The following MAGI1 variants were observed in gnomAD, a reference collection of about 807,000 sequenced individuals.
MAGI1 encodes the protein membrane associated guanylate kinase, WW and PDZ domain containing 1.
A neutral mutation model predicts 139.9 loss-of-function variants in MAGI1; 58 were observed. The ratio of observed to expected loss-of-function variants is 0.41; its 90% confidence interval spans 0.34 to 0.52. MAGI1 has a LOEUF of 0.52. MAGI1 is among the 20% of genes least tolerant of loss of function. The pLI is 0.12. For missense variants in MAGI1, 1,874 were observed against 1,901.6 expected (o/e 0.99, Z 0.27); for synonymous variants, 812 against 737.9 (o/e 1.10, Z -1.63).
chr3:65,564,053 G>A (rs532744045), intron 2 of MAGI1, among the ~76,000 whole-genome samples: 1 of 152,080 alleles, frequency 6.6e-6, no homozygotes, highest in African/African-American at 2.4e-5. Context: ...TAGGGAACAA[G>A]ATGCATATCT....
chr3:65,928,733 T>G (rs760019541), intron 1 of MAGI1, among the ~76,000 whole-genome samples: 1 of 152,100 alleles, frequency 6.6e-6, no homozygotes, highest in Non-Finnish European at 1.5e-5. Context: ...AATGTGTAGT[T>G]TCCCTTTTAA....
intron 2 of MAGI1, among the ~76,000 whole-genome samples, chr3:65,566,782 T>C (rs897205401): frequency 5.3e-5 from 8 of 152,180 alleles, no homozygotes; most frequent in African/African-American, 1.9e-4. Flanking sequence ...ACCTCTGAGA[T>C]GTCAGAAGAG....
chr3:65,831,131 A>C (rs1043347583), intron 1 of MAGI1, among the ~76,000 whole-genome samples: 1 of 152,180 alleles, frequency 6.6e-6, no homozygotes, highest in African/African-American at 2.4e-5. Context: ...GTCCCTAACA[A>C]TGACCTTTTT....
intron 2 of MAGI1, chr3:65,619,756 A>G: frequency 1.6e-6 from 1 of 609,056 alleles, no homozygotes; most frequent in Non-Finnish European, 2.1e-6. Context: ...CAGTCTACTC[A>G]TGTTCAAAGG....
intron 9 of MAGI1, among the ~76,000 whole-genome samples, chr3:65,439,457 A>G (rs1034211212): frequency 6.6e-6 from 1 of 152,132 alleles, no homozygotes; most frequent in Admixed American, 6.5e-5. Context: ...AAAAGCACCC[A>G]AAACTACCAG....
At chr3:65,579,147 T>G (rs572290921) in intron 2 of MAGI1, among the ~76,000 whole-genome samples, 1 of 152,224 alleles carries the variant, frequency 6.6e-6, no homozygotes, top group East Asian at 1.9e-4. Flanking sequence ...CCCACCACTG[T>G]GCAAATCCTG....
intron 1 of MAGI1, chr3:65,688,115 G>A: frequency 2.6e-6 from 2 of 773,050 alleles, no homozygotes; most frequent in Non-Finnish European, 2.3e-6. Flanking sequence ...GGTGTTGCTT[G>A]CAGATTCTAG....
At chr3:65,599,442 C>T (rs1186747531) in intron 2 of MAGI1, among the ~76,000 whole-genome samples, 1 of 152,048 alleles carries the variant, frequency 6.6e-6, no homozygotes, top group Non-Finnish European at 1.5e-5. Context: ...TGTCTAAGGC[C>T]CCTTTTCCTT....
At chr3:66,013,744 G>C (rs2067469035) in intron 1 of MAGI1, among the ~76,000 whole-genome samples, 1 of 146,314 alleles carries the variant, frequency 6.8e-6, no homozygotes, top group African/African-American at 2.5e-5. Flanking sequence ...CAGGGCAACA[G>C]AGTGAGACTC....
chr3:65,723,372 T>C (rs1486262631), intron 1 of MAGI1, among the ~76,000 whole-genome samples: 2 of 152,162 alleles, frequency 1.3e-5, no homozygotes, highest in African/African-American at 4.8e-5. Flanking sequence ...ACATCCAGTA[T>C]CTGGAAGGTG....
chr3:65,927,874 G>T (rs929812364), intron 1 of MAGI1, among the ~76,000 whole-genome samples: 13 of 152,078 alleles, frequency 8.5e-5, no homozygotes, highest in Admixed American at 2.0e-4. Flanking sequence ...CACACCTGGC[G>T]CTCAGGAAAA....
intron 1 of MAGI1, among the ~76,000 whole-genome samples, chr3:65,747,816 T>C (rs923497455): frequency 1.3e-5 from 2 of 151,926 alleles, no homozygotes; most frequent in Admixed American, 1.3e-4. Context: ...AAGGTCTATT[T>C]AAGGGGGAAA....
chr3:65,578,828 C>T (rs373160400), intron 2 of MAGI1, among the ~76,000 whole-genome samples: 373 of 151,868 alleles, frequency 2.5e-3, no homozygotes, highest in African/African-American at 6.0e-3. Context: ...GGCTGAGGCA[C>T]GACAATCACT....
intron 12 of MAGI1, among the ~76,000 whole-genome samples, chr3:65,415,840 G>A (rs1350489351): frequency 1.3e-5 from 2 of 152,154 alleles, no homozygotes; most frequent in Non-Finnish European, 1.5e-5. Context: ...GGGTGCTACC[G>A]GCAGCTAGTG....
intron 2 of MAGI1, among the ~76,000 whole-genome samples, chr3:65,608,199 T>C (rs185446091): frequency 7.7e-4 from 117 of 152,208 alleles, no homozygotes; most frequent in Middle Eastern, 3.4e-3. Flanking sequence ...CCCAGCACTT[T>C]GGGAGGGTGA....
At chr3:65,859,677 T>C (rs1261007600) in intron 1 of MAGI1, among the ~76,000 whole-genome samples, 1 of 150,794 alleles carries the variant, frequency 6.6e-6, no homozygotes, top group African/African-American at 2.4e-5. Context: ...GCTGAGATCA[T>C]GCCACTGCAC....
At chr3:65,687,569 C>T (rs1038542553) in intron 1 of MAGI1, 4 of 382,128 alleles carry the variant, frequency 1.0e-5, no homozygotes, top group Non-Finnish European at 1.6e-5. Context: ...CAATCTGTGG[C>T]TCCAGGGACA....
At chr3:65,606,248 C>A (rs1159446117) in intron 2 of MAGI1, among the ~76,000 whole-genome samples, 2 of 152,188 alleles carry the variant, frequency 1.3e-5, no homozygotes, top group Non-Finnish European at 2.9e-5. Flanking sequence ...CTTTCCACAT[C>A]CAAAACCTAT....
At chr3:65,476,992 G>A (rs1234162559) in intron 4 of MAGI1, among the ~76,000 whole-genome samples, 3 of 152,158 alleles carry the variant, frequency 2.0e-5, no homozygotes, top group Non-Finnish European at 4.4e-5. Flanking sequence ...TTTTCATGGA[G>A]TCAAATTCAT....
Sources: gnomAD v4.1 joint callset for allele counts (sites outside exome capture counted in the v4.1 genomes callset) on GRCh38, gnomAD v4.1.1 for gene constraint, MANE v1.5 for transcripts, NCBI Gene and HGNC (gene_info 2026-07-23, HGNC 2026-07-21) for gene names.